Variants in CSMD1 observed in about 807,000 individuals in gnomAD.
CSMD1 encodes CUB and sushi domain-containing protein 1.
In CSMD1, 213 loss-of-function variants were observed where a neutral mutation model predicts 417.5. The observed-to-expected ratio is 0.51, with a 90% CI of 0.46 to 0.57. The LOEUF is 0.57. Among genes scored for constraint, CSMD1 ranks in the 20% least tolerant of loss-of-function variants. The pLI, the probability that CSMD1 is intolerant of heterozygous loss-of-function variation, is 0.00. For synonymous variants in CSMD1, 2,862 were observed against 1,736.8 expected (o/e 1.65, Z -16.11); for missense variants, 6,923 against 4,529.7 (o/e 1.53, Z -15.17).
At chr8:3,655,038 A>G (rs572590672) in intron 7 of CSMD1, among the ~76,000 whole-genome samples, 4 of 152,368 alleles carry the variant, frequency 2.6e-5, no homozygotes, top group South Asian at 4.1e-4. Context: ...TAATTAAAAT[A>G]TATCAGTTAA....
intron 6 of CSMD1, among the ~76,000 whole-genome samples, chr8:3,724,816 G>A (rs946848017): frequency 6.6e-6 from 1 of 152,134 alleles, no homozygotes; most frequent in Non-Finnish European, 1.5e-5. Context: ...AGAAACTGTA[G>A]GTATTTTCTT....
intron 54 of CSMD1, among the ~76,000 whole-genome samples, chr8:2,980,395 C>T (rs1190476268): frequency 6.6e-6 from 1 of 151,812 alleles, no homozygotes; most frequent in Admixed American, 6.6e-5. Flanking sequence ...TCCTTCTTCT[C>T]CTCCTCCACC....
intron 7 of CSMD1, among the ~76,000 whole-genome samples, chr8:3,671,496 CATAT>C (rs200669319): frequency 0.34 from 4,040 of 11,880 alleles, 646 homozygotes; most frequent in Admixed American, 0.42. Flanking sequence ...TATATATGAT[CATAT>C]ATATATATAT....
chr8:2,990,404 A>T (rs1806274818), intron 54 of CSMD1, among the ~76,000 whole-genome samples: 1 of 152,060 alleles, frequency 6.6e-6, no homozygotes, highest in African/African-American at 2.4e-5. Context: ...ACAGTGGGAC[A>T]AGATTTCATT....
At chr8:3,135,708 TC>T (rs1176666920) in intron 41 of CSMD1, among the ~76,000 whole-genome samples, 1 of 152,086 alleles carries the variant, frequency 6.6e-6, no homozygotes, top group African/African-American at 2.4e-5. Context: ...AGTCTGCTGA[TC>T]ACATTTCTGA....
intron 5 of CSMD1, among the ~76,000 whole-genome samples, chr8:3,765,689 T>C (rs1165130057): frequency 6.6e-6 from 1 of 152,224 alleles, no homozygotes; most frequent in African/African-American, 2.4e-5. Flanking sequence ...TGTCCTCTCA[T>C]GCCCAGTGGC....
chr8:2,981,468 C>T (rs538624478), intron 54 of CSMD1, among the ~76,000 whole-genome samples: 43 of 152,264 alleles, frequency 2.8e-4, no homozygotes, highest in African/African-American at 8.9e-4. Context: ...TAGGGTAATG[C>T]GTCAGAAAGA....
chr8:4,128,430 C>T (rs1585376306), intron 3 of CSMD1, among the ~76,000 whole-genome samples: 1 of 152,172 alleles, frequency 6.6e-6, no homozygotes, highest in Non-Finnish European at 1.5e-5. Context: ...GGGAAAGTTG[C>T]AAGACAACTA....
intron 7 of CSMD1, among the ~76,000 whole-genome samples, chr8:3,673,844 A>G (rs73183327): frequency 0.15 from 23,394 of 152,194 alleles, 2,017 homozygotes; most frequent in South Asian, 0.22. Flanking sequence ...AGGGCCAGGC[A>G]TGGTGGCTCA....
chr8:4,455,143 C>T (rs201746321), intron 2 of CSMD1, among the ~76,000 whole-genome samples: 1 of 152,140 alleles, frequency 6.6e-6, no homozygotes, highest in East Asian at 1.9e-4. Context: ...AGGATTTGGA[C>T]AACAGCCAAA....
chr8:4,176,030 G>C (rs1798020302), intron 3 of CSMD1, among the ~76,000 whole-genome samples: 1 of 152,082 alleles, frequency 6.6e-6, no homozygotes, highest in African/African-American at 2.4e-5. Context: ...AGCCATTTCA[G>C]GGTTCCCAAG....
chr8:3,247,786 C>T (rs1799982055), intron 26 of CSMD1, among the ~76,000 whole-genome samples: 1 of 152,200 alleles, frequency 6.6e-6, no homozygotes, highest in Non-Finnish European at 1.5e-5. Flanking sequence ...AACCAAATTA[C>T]ACATAGATTC....
chr8:3,072,605 T>C (rs1813395777), intron 49 of CSMD1, among the ~76,000 whole-genome samples: 1 of 152,206 alleles, frequency 6.6e-6, no homozygotes, highest in South Asian at 2.1e-4. Context: ...TAAAGAGCTG[T>C]TGGAACACCC....
chr8:4,520,921 T>C (rs1239580991), intron 2 of CSMD1, among the ~76,000 whole-genome samples: 1 of 152,184 alleles, frequency 6.6e-6, no homozygotes, highest in Non-Finnish European at 1.5e-5. Context: ...TGGGTTAACA[T>C]TATTAAAATT....
chr8:4,840,655 C>T (rs1201746598), intron 1 of CSMD1, among the ~76,000 whole-genome samples: 3 of 152,128 alleles, frequency 2.0e-5, no homozygotes. Context: ...TTCTGAGTGA[C>T]GTGTCCCAAA....
chr8:4,132,379 T>A (rs1490937281), intron 3 of CSMD1, among the ~76,000 whole-genome samples: 1 of 152,182 alleles, frequency 6.6e-6, no homozygotes, highest in African/African-American at 2.4e-5. Flanking sequence ...CTTGACTTTG[T>A]GCCTATTCTC....
intron 26 of CSMD1, among the ~76,000 whole-genome samples, chr8:3,270,942 T>C (rs1212458508): frequency 6.6e-6 from 1 of 151,924 alleles, no homozygotes; most frequent in South Asian, 2.1e-4. Flanking sequence ...TTTATTATTA[T>C]TATACTGTAA....
chr8:4,345,030 T>A (rs1348845612), intron 3 of CSMD1, among the ~76,000 whole-genome samples: 1 of 152,056 alleles, frequency 6.6e-6, no homozygotes, highest in Non-Finnish European at 1.5e-5. Context: ...CATCACACCA[T>A]AACATCAAGC....
intron 10 of CSMD1, among the ~76,000 whole-genome samples, chr8:3,524,394 T>A (rs1797664355): frequency 6.9e-6 from 1 of 144,848 alleles, no homozygotes; most frequent in Admixed American, 6.8e-5. Flanking sequence ...TACACACACA[T>A]GCACACCCAG....
Sources: allele counts gnomAD v4.1 joint callset (sites outside exome capture counted in the v4.1 genomes callset), GRCh38; gene constraint gnomAD v4.1.1; transcripts MANE v1.5; gene names NCBI Gene and HGNC (gene_info 2026-07-23, HGNC 2026-07-21).